CEP164: variants seen among roughly 807,000 people sequenced by gnomAD.
CEP164 encodes centrosomal protein 164, also known as centrosomal protein of 164 kDa.
A neutral mutation model predicts 182.7 loss-of-function variants in CEP164; 162 were observed. The observed-to-expected ratio is 0.89, with a 90% CI of 0.78 to 1.01. CEP164 has a LOEUF of 1.01. CEP164 is among the 50% of genes least tolerant of loss of function. CEP164 has a pLI of 0.00. For synonymous variants in CEP164, 661 were observed against 690.0 expected, an observed-to-expected ratio of 0.96 and a Z score of 0.66; for missense variants, 1,735 against 1,790.4, an observed-to-expected ratio of 0.97 and a Z score of 0.56.
chr11:117,383,254 C>G (rs1203755203), intron 14 of CEP164, among the ~76,000 whole-genome samples: 1 of 152,170 alleles, frequency 6.6e-6, no homozygotes, highest in Non-Finnish European at 1.5e-5. Context: ...CTACCAAGCA[C>G]TGTTTTTCTC....
At chr11:117,378,600 T>C (rs1324563705) in intron 11 of CEP164, among the ~76,000 whole-genome samples, 1 of 152,220 alleles carries the variant, frequency 6.6e-6, no homozygotes, top group Non-Finnish European at 1.5e-5. Context: ...AATGGTATTT[T>C]AGGCCAGAGG....
intron 6 of CEP164, 76 bp from the exon 7 acceptor site, chr11:117,362,328 G>A: frequency 2.7e-6 from 4 of 1,480,348 alleles, no homozygotes; most frequent in Admixed American, 1.9e-5. Context: ...GACATAGAGA[G>A]TGGGGAGGAG....
In CEP164 at chr11:117,394,237, C is replaced by CCGATGGTGTCCCTGAT. The variant is rs1469717751; in HGVS notation, c.2617-111_2617-96dup. ...TTCTCCAAGAGCTGGCTTTAGGGAG[C>CCGATGGTGTCCCTGAT]CGATGGTGTCCCTGATCTTACTGAT... On this transcript the variant is annotated intron_variant, in intron 20 of 32. Coordinates refer to ENST00000278935, the MANE Select transcript of CEP164 (RefSeq NM_014956.5). This position sits in a 1 kb window ranked among gnomAD's most constrained non-coding sequence, Gnocchi z 4.0. The CCGATGGTGTCCCTGAT allele has an allele frequency of 7.2e-7, 1 of 1,379,778 alleles. No homozygotes were observed. The highest frequency in any genetic ancestry group is 1.4e-5 in the African/African-American group (1 of 69,100). 85.5% of individuals were successfully genotyped at this position (1,379,778 alleles called of 1,614,324 possible). A position where few individuals can be genotyped will look rare whatever the true frequency, so the allele number is the denominator to read the frequency against.
intron 5 of CEP164, chr11:117,355,633 C>A: frequency 2.5e-6 from 3 of 1,195,814 alleles, no homozygotes; most frequent in Non-Finnish European, 3.2e-6. Flanking sequence ...TAGATAGCAG[C>A]CCTACTGAAG....
chr11:117,381,571 A>T (rs984952951), intron 12 of CEP164, 130 bp from the exon 13 acceptor site: 1 of 1,096,928 alleles, frequency 9.1e-7, no homozygotes, highest in Non-Finnish European at 1.3e-6. Flanking sequence ...CCATGGATGG[A>T]TGTGGGGGTG....
chr11:117,394,820 G>A lies in CEP164; in HGVS notation c.2761-100G>A. On this transcript the variant is annotated intron_variant, in intron 21 of 32. Coordinates refer to ENST00000278935, the MANE Select transcript of CEP164 (RefSeq NM_014956.5). This position sits in a 1 kb window ranked among gnomAD's most constrained non-coding sequence, Gnocchi z 4.0. Reference sequence around the variant, plus strand: ...CAGCGAGGAAGCCTGAGCCCAGAGTGGAGGTTGTGGTGTGGCATGGTGGGT... The same window carrying A: ...CAGCGAGGAAGCCTGAGCCCAGAGTAGAGGTTGTGGTGTGGCATGGTGGGT... The A allele has an allele frequency of 8.5e-7, 1 of 1,182,156 alleles. No homozygotes were observed. Among genetic ancestry groups the A allele is most frequent in the South Asian group, 1.3e-5 (1 of 74,694 alleles). 73.2% of individuals were successfully genotyped at this position (1,182,156 alleles called of 1,614,324 possible). A position where few individuals can be genotyped will look rare whatever the true frequency, so the allele number is the denominator to read the frequency against.
chr11:117,343,987 C>A (rs1023227584), intron 3 of CEP164, among the ~76,000 whole-genome samples, 179 bp from the exon 4 acceptor site: 1 of 151,966 alleles, frequency 6.6e-6, no homozygotes, highest in South Asian at 2.1e-4. Flanking sequence ...AGATAGCATG[C>A]TTGGATTCAA....
chr11:117,375,497 A>G (rs1012113869), intron 10 of CEP164, among the ~76,000 whole-genome samples: 20 of 152,264 alleles, frequency 1.3e-4, no homozygotes, highest in African/African-American at 3.4e-4. Context: ...ATAGGCCACA[A>G]TTAACATTTT....
intron 17 of CEP164, among the ~76,000 whole-genome samples, chr11:117,391,486 C>T (rs1458557788): frequency 1.3e-5 from 2 of 151,896 alleles, no homozygotes; most frequent in Admixed American, 1.3e-4. Flanking sequence ...ATGGCAGTGG[C>T]GGCTGGAGGT....
intron 4 of CEP164, among the ~76,000 whole-genome samples, chr11:117,348,154 T>G (rs962694302): frequency 1.3e-5 from 2 of 152,018 alleles, no homozygotes; most frequent in Non-Finnish European, 2.9e-5. Flanking sequence ...ATTTTTTTTG[T>G]AGAGATGGGG....
At position 117,361,926 on chromosome 11, in the gene CEP164, G is replaced by C; in HGVS notation, c.485G>C (p.Arg162Pro). ...GTGGATACCCCACCCTCTGCTCTTCGTGGATCTCAAAGCGTGAGCCTGGGG... is the reference window on the plus strand; with the variant it reads ...GTGGATACCCCACCCTCTGCTCTTCCTGGATCTCAAAGCGTGAGCCTGGGG... Reference protein sequence around the residue: ...GLVDTPPSALRGSQSVSLGSS... With the variant: ...GLVDTPPSALPGSQSVSLGSS... The change falls in exon 6 of 33, where the codon CGT becomes CCT. Residue 162 changes from arginine to proline, a missense_variant. Arg to Pro is a moderately radical substitution (Grantham distance 103). Coordinates refer to ENST00000278935, the MANE Select transcript of CEP164 (RefSeq NM_014956.5). 1 of 1,610,734 alleles carries C rather than the reference G, an allele frequency of 6.2e-7. No homozygotes were observed. The highest frequency in any genetic ancestry group is 8.5e-7 in the Non-Finnish European group (1 of 1,179,202).
In CEP164 at chr11:117,352,844, C is replaced by T. The variant is rs192521154; in HGVS notation, c.393+856C>T. Among the ~76,000 whole-genome samples the T allele has an allele frequency of 9.7e-4, 147 of 152,316 alleles. 1 individual carries two copies. The South Asian group carries it at 0.015, about 15-fold the overall frequency. On this transcript the variant is annotated intron_variant, in intron 5 of 32. Transcript: ENST00000278935. ...TCAAGTGATCCACCCGCCTCAGCCTCCCAAAGTGCTGGGATTACTGGTATG... is the reference window on the plus strand; with the variant it reads ...TCAAGTGATCCACCCGCCTCAGCCTTCCAAAGTGCTGGGATTACTGGTATG...
chr11:117,351,012 A>T (rs1288953964), intron 4 of CEP164, among the ~76,000 whole-genome samples: 1 of 152,142 alleles, frequency 6.6e-6, no homozygotes, highest in East Asian at 1.9e-4. Flanking sequence ...CATCCACACT[A>T]GCTTGGATTA....
Position 117,394,535 on chromosome 11 carries a change from A to G in CEP164, c.2760+42A>G, listed in dbSNP as rs1400832531. 6.8e-6 allele frequency: 11 copies of G among 1,607,734 alleles called. No homozygotes were observed. The highest frequency in any genetic ancestry group is 9.3e-6 in the Non-Finnish European group (11 of 1,177,414). On this transcript the variant is annotated intron_variant, in intron 21 of 32. Transcript: ENST00000278935. The surrounding 1 kb of genome is among the most constrained non-coding windows in gnomAD (Gnocchi z 4.0). ...AGGGTGAGCCCACTGTGACCCCTCC[A>G]TGCACAGTAGGAAGGTGCTGGGAGC... is the stretch of plus-strand genomic sequence containing the variant.
chr11:117,360,103 T>C (rs557600607), intron 5 of CEP164, among the ~76,000 whole-genome samples: 1 of 152,298 alleles, frequency 6.6e-6, no homozygotes, highest in African/African-American at 2.4e-5. Context: ...AGTCCTTCTT[T>C]TGTTGCTCAT....
intron 5 of CEP164, among the ~76,000 whole-genome samples, chr11:117,353,390 A>G (rs1026170886): frequency 1.8e-4 from 27 of 152,166 alleles, no homozygotes; most frequent in African/African-American, 5.5e-4. Context: ...GGATTTTCCA[A>G]TGTCATGTGT....
intron 1 of CEP164, among the ~76,000 whole-genome samples, chr11:117,335,357 C>A (rs1331877244): frequency 6.6e-6 from 1 of 152,078 alleles, no homozygotes; most frequent in Non-Finnish European, 1.5e-5. Context: ...GGGGCAGAAG[C>A]TGGCTCCCTT....
intron 5 of CEP164, chr11:117,355,334 C>G: frequency 7.8e-7 from 1 of 1,289,856 alleles, no homozygotes. Flanking sequence ...AAGCAGGCAG[C>G]AGAAACTGGG....
chr11:117,362,787 A>T (rs1357573612), intron 7 of CEP164, among the ~76,000 whole-genome samples: 1 of 152,244 alleles, frequency 6.6e-6, no homozygotes, highest in African/African-American at 2.4e-5. Context: ...CATCCCAAAT[A>T]GAAACTGTGT....
Sources: gnomAD v4.1 joint callset for allele counts (sites outside exome capture counted in the v4.1 genomes callset) on GRCh38, gnomAD v4.1.1 for gene constraint, Gnocchi (gnomAD v3.1) non-coding constraint, MANE v1.5 for transcripts, NCBI Gene and HGNC (gene_info 2026-07-23, HGNC 2026-07-21) for gene names.